Variants in IKBKB observed in about 807,000 individuals in gnomAD.
IKBKB encodes the protein inhibitor of nuclear factor kappa B kinase subunit beta.
Under a neutral mutation model 113.6 loss-of-function variants are expected in IKBKB, and 42 were observed. The ratio of observed to expected loss-of-function variants is 0.37; its 90% CI spans 0.29 to 0.48. The LOEUF is 0.48. IKBKB is among the 20% of genes least tolerant of loss of function. The pLI is 0.99. For synonymous variants in IKBKB, 296 were observed against 361.3 expected, an observed-to-expected ratio of 0.82 and a Z score of 2.05; for missense variants, 673 against 939.7, an observed-to-expected ratio of 0.72 and a Z score of 3.71.
At chr8:42,272,299 C>T in intron 2 of IKBKB, 94 bp downstream of exon 2, 1 of 1,553,330 alleles carries the variant, frequency 6.4e-7, no homozygotes, top group Non-Finnish European at 8.8e-7. Flanking sequence ...AAGGGCTCAC[C>T]TTTGGCTTTG....
At chr8:42,289,467 C>T (rs747128557) in intron 3 of IKBKB, among the ~76,000 whole-genome samples, 2 of 152,270 alleles carry the variant, frequency 1.3e-5, no homozygotes, top group South Asian at 2.1e-4. Context: ...GGTATGTGAC[C>T]GTTCTCTGCT....
intron 8 of IKBKB, among the ~76,000 whole-genome samples, chr8:42,313,412 C>A (rs920758468): frequency 1.3e-5 from 2 of 152,156 alleles, no homozygotes; most frequent in Admixed American, 6.6e-5. Flanking sequence ...GATTGTGCCA[C>A]TGCATTCCAG....
chr8:42,285,308 G>A (rs956513635), intron 2 of IKBKB, among the ~76,000 whole-genome samples: 6 of 152,160 alleles, frequency 3.9e-5, no homozygotes, highest in Admixed American at 2.0e-4. Context: ...TGCTTAGAGA[G>A]GCTGAGGTAG....
intron 2 of IKBKB, among the ~76,000 whole-genome samples, chr8:42,280,443 ACCGAGTGCTC>A (rs1035607910): frequency 6.6e-6 from 1 of 150,608 alleles, no homozygotes; most frequent in Non-Finnish European, 1.5e-5. Context: ...GGAGGAGATA[ACCGAGTGCTC>A]CCACCTGGCA....
At chr8:42,300,165 G>A (rs567465518) in intron 5 of IKBKB, among the ~76,000 whole-genome samples, 1 of 152,278 alleles carries the variant, frequency 6.6e-6, no homozygotes, top group East Asian at 1.9e-4. Flanking sequence ...GTAACCTTTA[G>A]CCAGACTCAG....
chr8:42,330,771 G>A (rs1821606685), intron 21 of IKBKB, 143 bp from the exon 22 acceptor site: 2 of 1,466,284 alleles, frequency 1.4e-6, no homozygotes, highest in Admixed American at 4.6e-5. Flanking sequence ...GCCTCCCAAA[G>A]TGTTGGGATT....
At chr8:42,307,796 G>A (rs7007438) in intron 7 of IKBKB, among the ~76,000 whole-genome samples, 1 of 152,126 alleles carries the variant, frequency 6.6e-6, no homozygotes, top group African/African-American at 2.4e-5. Context: ...GAGCTAAAAC[G>A]TCTGCCCATA....
intron 2 of IKBKB, among the ~76,000 whole-genome samples, chr8:42,279,087 G>T (rs1809801845): frequency 6.6e-6 from 1 of 152,188 alleles, no homozygotes. Context: ...GGAGTGGAGT[G>T]CCTGCAGGTC....
At position 42,325,979 on chromosome 8, in the gene IKBKB, C is replaced by G; in HGVS notation, c.1996C>G (p.Arg666Gly). The G allele has an allele frequency of 6.2e-7, 1 of 1,614,176 alleles. No individual in the cohort carries two copies. Among genetic ancestry groups the G allele is most frequent in the South Asian group, 1.1e-5 (1 of 91,082 alleles). Residue 666 changes from arginine to glycine, a missense_variant, in exon 20 of 22, where the codon CGT becomes GGT. By Grantham distance (125) the Arg-to-Gly change is moderately radical. Coordinates refer to ENST00000520810, the MANE Select transcript of IKBKB (RefSeq NM_001556.3). ...NLLKIACSKVRGPVSGSPDSM... is the reference protein window; with the variant it reads ...NLLKIACSKVGGPVSGSPDSM... ...TGATTTTGTCCCCTAGAGCAAGGTCCGTGGTCCTGTCAGTGGAAGCCCGGA... is the reference window on the plus strand; with the variant it reads ...TGATTTTGTCCCCTAGAGCAAGGTCGGTGGTCCTGTCAGTGGAAGCCCGGA...
Position 42,271,484 on chromosome 8 carries a change from TG to T in IKBKB, c.-19+18del. The T allele has an allele frequency of 9.7e-7, 1 of 1,035,608 alleles. No homozygotes were observed. The highest frequency in any genetic ancestry group is 1.5e-5 in the South Asian group (1 of 67,512). 64.2% of individuals were successfully genotyped at this position (1,035,608 alleles called of 1,614,324 possible). The stretch of plus-strand genomic sequence containing the variant: ...CCTGCCGACAGGTGAGTCCCCCTCG[TG>T]GGTGCGGCCCGGGTGCCACCTGCAG... On this transcript the variant is annotated intron_variant, in intron 1 of 21. Coordinates refer to ENST00000520810, the MANE Select transcript of IKBKB (RefSeq NM_001556.3).
chr8:42,314,505 T>C, intron 9 of IKBKB, 76 bp downstream of exon 9: 1 of 943,626 alleles, frequency 1.1e-6, no homozygotes, highest in Non-Finnish European at 1.7e-6. Context: ...CTGGCCGTGG[T>C]GGCTCACACC....
At chr8:42,274,950 CGCT>C (rs2130045928) in intron 2 of IKBKB, among the ~76,000 whole-genome samples, 1 of 152,046 alleles carries the variant, frequency 6.6e-6, no homozygotes, top group East Asian at 1.9e-4. Context: ...AATCTTGGCT[CGCT>C]GCAACTGGTG....
chr8:42,295,364 C>G (rs961684765), intron 5 of IKBKB, among the ~76,000 whole-genome samples: 9 of 152,126 alleles, frequency 5.9e-5, no homozygotes, highest in African/African-American at 2.2e-4. Flanking sequence ...AGTGATCTGC[C>G]CATCTCAGCT....
chr8:42,326,352 C>T (rs1820729042), intron 20 of IKBKB: 1 of 477,062 alleles, frequency 2.1e-6, no homozygotes. Flanking sequence ...AAATGCTGGT[C>T]AGGCACATGC....
chr8:42,272,680 C>G lies in IKBKB; in HGVS notation c.105+475C>G, dbSNP rs138244077. 1.2e-4 allele frequency among the ~76,000 whole-genome samples: 18 copies of G among 152,160 alleles called. No individual in the cohort carries two copies. The East Asian group carries it at 3.3e-3, about 28-fold the overall frequency. On this transcript the variant is annotated intron_variant, in intron 2 of 21. Coordinates refer to ENST00000520810, the MANE Select transcript of IKBKB (RefSeq NM_001556.3). Reference sequence around the variant, plus strand: ...GCCAGCTGGGCGTGGTGGCTTATACCTGTAATCTCAGCACTTTGGGAGGCT... The same window carrying G: ...GCCAGCTGGGCGTGGTGGCTTATACGTGTAATCTCAGCACTTTGGGAGGCT...
At chr8:42,320,530 C>T in intron 15 of IKBKB, 2 of 504,854 alleles carry the variant, frequency 4.0e-6, no homozygotes, top group Non-Finnish European at 7.0e-6. Context: ...GGGTAAGTAA[C>T]TTGCCAAGGG....
Position 42,309,160 on chromosome 8 carries a change from C to A in IKBKB, c.692+135C>A. On this transcript the variant is annotated intron_variant, in intron 8 of 21. Coordinates refer to ENST00000520810, the MANE Select transcript of IKBKB (RefSeq NM_001556.3). ...TTTCTCTTCCGAGAGGAAGGCCTGT[C>A]AGGACCTAGCACGAGTAGGGGAGTG... 1.0e-6 allele frequency: 1 copy of A among 956,400 alleles called. No homozygotes were observed. The highest frequency in any genetic ancestry group is 2.4e-5 in the Admixed American group (1 of 42,282). 59.2% of individuals were successfully genotyped at this position (956,400 alleles called of 1,614,324 possible).
At chr8:42,283,951 T>C (rs1280089579) in intron 2 of IKBKB, among the ~76,000 whole-genome samples, 1 of 152,154 alleles carries the variant, frequency 6.6e-6, no homozygotes, top group African/African-American at 2.4e-5. Context: ...ATAGATGCTC[T>C]TGGCAATGGC....
At chr8:42,311,777 A>T (rs191616766) in intron 8 of IKBKB, among the ~76,000 whole-genome samples, 2 of 152,278 alleles carry the variant, frequency 1.3e-5, no homozygotes, top group East Asian at 3.9e-4. Context: ...TTAGCTACAT[A>T]GGTTCTGGAA....
Sources: allele counts gnomAD v4.1 joint callset (sites outside exome capture counted in the v4.1 genomes callset), GRCh38; gene constraint gnomAD v4.1.1; transcripts MANE v1.5; gene names NCBI Gene and HGNC (gene_info 2026-07-23, HGNC 2026-07-21).